Variants in DOP1A observed in about 807,000 individuals in gnomAD.
DOP1A encodes the protein protein DOP1A.
In DOP1A, 90 loss-of-function variants were observed where a neutral mutation model predicts 267.6. The observed-to-expected ratio is 0.34, with a 90% CI of 0.28 to 0.40. The LOEUF is 0.40. DOP1A is among the 10% of genes least tolerant of loss of function. The probability of loss-of-function intolerance (pLI) is 1.00; values close to 1 mark genes in which losing one functional copy is unlikely to be tolerated. For missense variants in DOP1A, 2,437 were observed against 2,900.4 expected (o/e 0.84, Z 3.67); for synonymous variants, 932 against 999.1 (o/e 0.93, Z 1.27).
intron 4 of DOP1A, among the ~76,000 whole-genome samples, chr6:83,103,725 A>G (rs1214411028): frequency 6.6e-6 from 1 of 152,128 alleles, no homozygotes; most frequent in East Asian, 1.9e-4. Context: ...TCCTTTTCTT[A>G]ACGACTTAAC....
Position 83,110,246 on chromosome 6 carries a change from GC to G in DOP1A, c.616del (p.His206IlefsTer2). ...VRLPGITYVL[A>X]HLNRKLSMED... ...TTTACCTGGAATCACGTATGTTCTT[GC>G]CCATTTAAACAGGAAGCTTTCTATG... On this transcript the variant is annotated frameshift_variant, in exon 6 of 39. Transcript: ENST00000349129. LOFTEE classifies it high-confidence loss of function. 1 of 1,613,938 alleles carries G rather than the reference GC, an allele frequency of 6.2e-7. No individual in the cohort carries two copies. The highest frequency in any genetic ancestry group is 8.5e-7 in the Non-Finnish European group (1 of 1,179,970).
At chr6:83,156,236 T>C in intron 34 of DOP1A, 133 bp downstream of exon 34, 1 of 685,096 alleles carries the variant, frequency 1.5e-6, no homozygotes, top group Non-Finnish European at 2.3e-6. Flanking sequence ...ATTTTTCTAC[T>C]GAAACAATGA....
chr6:83,168,257 G>T lies in DOP1A; in HGVS notation c.*90G>T. On this transcript the variant is annotated 3_prime_UTR_variant, in exon 39 of 39. Coordinates refer to ENST00000349129, the MANE Select transcript of DOP1A (RefSeq NM_015018.4). ...TGCGTTGTATAGTTTTTCCTTTTTT[G>T]TATGTAACAGAACACATTTCAGATT... 6.8e-7 allele frequency: 1 copy of T among 1,464,366 alleles called. No individual in the cohort carries two copies. The highest frequency in any genetic ancestry group is 9.0e-7 in the Non-Finnish European group (1 of 1,115,308). 90.7% of individuals were successfully genotyped at this position (1,464,366 alleles called of 1,614,324 possible).
At chr6:83,103,832 A>G (rs1773049485) in intron 4 of DOP1A, among the ~76,000 whole-genome samples, 1 of 152,228 alleles carries the variant, frequency 6.6e-6, no homozygotes, top group African/African-American at 2.4e-5. Context: ...TCAATTTCGT[A>G]GCCACTGTTC....
At chr6:83,103,666 T>C (rs1419703984) in intron 4 of DOP1A, among the ~76,000 whole-genome samples, 1 of 152,202 alleles carries the variant, frequency 6.6e-6, no homozygotes, top group Non-Finnish European at 1.5e-5. Context: ...ATGTGCTTCA[T>C]TCTCAGGAAT....
rs1371014545 is a variant in DOP1A at position 83,112,652 on chromosome 6, A to G, written c.682-671A>G. ...GCTAATTTTTGTGTTTTTAGTAGAG[A>G]CAGGGTTTCACCATGTTGGCCAGGC... On this transcript the variant is annotated intron_variant, in intron 6 of 38. Coordinates refer to ENST00000349129, the MANE Select transcript of DOP1A (RefSeq NM_015018.4). Among the ~76,000 whole-genome samples, 6 of 152,118 alleles carry G rather than the reference A, an allele frequency of 3.9e-5. No individual in the cohort carries two copies. The East Asian group carries it at 1.2e-3, about 29-fold the overall frequency.
chr6:83,079,878 A>C (rs954345825), intron 1 of DOP1A, among the ~76,000 whole-genome samples: 2 of 151,682 alleles, frequency 1.3e-5, no homozygotes, highest in African/African-American at 2.4e-5. Flanking sequence ...ATGGTGGGAT[A>C]GTTAACAGTT....
rs1301667969 is a variant in DOP1A at position 83,135,840 on chromosome 6, G to T, written c.3092G>T (p.Ser1031Ile). 2 of 1,613,508 alleles carry T rather than the reference G, an allele frequency of 1.2e-6. No individual in the cohort carries two copies. Among genetic ancestry groups the T allele is most frequent in the South Asian group, 2.2e-5 (2 of 91,072 alleles). The change falls in exon 20 of 39, where the codon AGT becomes ATT. Residue 1031 changes from serine to isoleucine, a missense_variant. Ser to Ile is a moderately radical substitution (Grantham distance 142). Coordinates refer to ENST00000349129, the MANE Select transcript of DOP1A (RefSeq NM_015018.4). Reference protein sequence around the residue: ...NKSPCYPGEESDKHFMQNFAC... With the variant: ...NKSPCYPGEEIDKHFMQNFAC... ...TCTCCCTGTTATCCAGGAGAGGAGAGTGACAAGCATTTCATGCAAAATTTT... is the reference window on the plus strand; with the variant it reads ...TCTCCCTGTTATCCAGGAGAGGAGATTGACAAGCATTTCATGCAAAATTTT...
chr6:83,168,367 T>G lies in DOP1A; in HGVS notation c.*200T>G. On this transcript the variant is annotated 3_prime_UTR_variant, in exon 39 of 39. Coordinates refer to ENST00000349129, the MANE Select transcript of DOP1A (RefSeq NM_015018.4). ...TTAAATATTGTTGGCTCATACTGAT[T>G]ATGGTGCCTAAGAGAGCTATATATA... 1 of 1,385,662 alleles carries G rather than the reference T, an allele frequency of 7.2e-7. No homozygotes were observed. The highest frequency in any genetic ancestry group is 1.6e-5 in the South Asian group (1 of 61,418). 85.8% of individuals were successfully genotyped at this position (1,385,662 alleles called of 1,614,324 possible). A position where few individuals can be genotyped will look rare whatever the true frequency, so the allele number is the denominator to read the frequency against.
At position 83,145,036 on chromosome 6, in the gene DOP1A, G is replaced by T. The variant is rs1323289840; in HGVS notation, c.5542-488G>T. On this transcript the variant is annotated intron_variant, in intron 24 of 38. Transcript: ENST00000349129. ...GAGGATCGCTTAAACCTATGAGGTT[G>T]AGGCTGCAGTAAACTGTAATTGAGC... Among the ~76,000 whole-genome samples the T allele has an allele frequency of 2.8e-5, 4 of 143,018 alleles. No individual in the cohort carries two copies. The South Asian group carries it at 6.6e-4, about 24-fold the overall frequency. 93.8% of individuals were successfully genotyped at this position (143,018 alleles called of 152,430 possible).
intron 1 of DOP1A, among the ~76,000 whole-genome samples, chr6:83,091,654 AATT>A (rs1770429444): frequency 6.6e-6 from 1 of 152,198 alleles, no homozygotes; most frequent in Non-Finnish European, 1.5e-5. Flanking sequence ...ATTGCTTAAA[AATT>A]ATTAGGCTGA....
intron 30 of DOP1A, 129 bp from the exon 31 acceptor site, chr6:83,153,382 C>T (rs1782113181): frequency 1.9e-6 from 1 of 523,536 alleles, no homozygotes; most frequent in Non-Finnish European, 3.2e-6. Flanking sequence ...AAAAATGATT[C>T]AGGAAGATTT....
chr6:83,115,566 C>CA (rs1036593580), intron 7 of DOP1A, among the ~76,000 whole-genome samples: 15 of 151,728 alleles, frequency 9.9e-5, no homozygotes, highest in African/African-American at 3.1e-4. Flanking sequence ...ACTAAAAATA[C>CA]AAAAAAAATT....
chr6:83,085,223 T>C (rs550130529), intron 1 of DOP1A, among the ~76,000 whole-genome samples: 189 of 152,356 alleles, frequency 1.2e-3, no homozygotes, highest in African/African-American at 4.2e-3. Flanking sequence ...GATTAGTTCA[T>C]TTATTCAGAT....
intron 4 of DOP1A, among the ~76,000 whole-genome samples, chr6:83,105,667 A>G (rs1487393883): frequency 6.6e-6 from 1 of 151,968 alleles, no homozygotes; most frequent in Non-Finnish European, 1.5e-5. Flanking sequence ...CCAGTTGAGC[A>G]TGGATGTCTT....
chr6:83,130,466 T>A, intron 17 of DOP1A, 69 bp downstream of exon 17: 1 of 1,522,366 alleles, frequency 6.6e-7, no homozygotes, highest in South Asian at 1.3e-5. Context: ...CCTAGTTTGC[T>A]TTAAGAATTA....
intron 4 of DOP1A, among the ~76,000 whole-genome samples, chr6:83,104,110 C>T (rs1773121576): frequency 6.6e-6 from 1 of 152,124 alleles, no homozygotes. Flanking sequence ...TGGTATATTG[C>T]TGCTAGAATG....
intron 7 of DOP1A, among the ~76,000 whole-genome samples, chr6:83,115,295 C>G (rs1034921409): frequency 6.6e-6 from 1 of 151,974 alleles, no homozygotes; most frequent in East Asian, 1.9e-4. Flanking sequence ...ATATATTGAT[C>G]CTGTACAACA....
chr6:83,120,305 G>A (rs1776164275), intron 9 of DOP1A, among the ~76,000 whole-genome samples: 1 of 151,868 alleles, frequency 6.6e-6, no homozygotes, highest in Non-Finnish European at 1.5e-5. Flanking sequence ...TAAGAATATA[G>A]TTGTTAAGTC....
Sources: gnomAD v4.1 joint callset for allele counts (sites outside exome capture counted in the v4.1 genomes callset) on GRCh38, gnomAD v4.1.1 for gene constraint, MANE v1.5 for transcripts, NCBI Gene and HGNC (gene_info 2026-07-23, HGNC 2026-07-21) for gene names.